DACH1: variants seen among roughly 807,000 people sequenced by gnomAD.
DACH1 encodes dachshund homolog 1.
In DACH1, 12 loss-of-function variants were observed where a neutral mutation model predicts 54.2. The observed-to-expected ratio is 0.22, with a 90% CI of 0.14 to 0.36. DACH1 has a LOEUF of 0.36. Ranked by LOEUF, DACH1 falls within the 10% of genes least tolerant of loss-of-function variation. The probability of loss-of-function intolerance (pLI) is 1.00; values close to 1 mark genes in which losing one functional copy is unlikely to be tolerated. For synonymous variants in DACH1, 386 were observed against 366.2 expected (o/e 1.05, Z -0.62); for missense variants, 805 against 929.8 (o/e 0.87, Z 1.75).
chr13:71,577,260 C>T (rs190688637), intron 3 of DACH1, among the ~76,000 whole-genome samples: 13 of 152,236 alleles, frequency 8.5e-5, no homozygotes, highest in Admixed American at 2.0e-4. Context: ...GCAGTTCACA[C>T]TTAAGCAGAA....
In DACH1 at chr13:71,866,807, G is replaced by C; in HGVS notation, c.-38C>G. 3 of 1,281,484 alleles carry C rather than the reference G, an allele frequency of 2.3e-6. No individual in the cohort carries two copies. The highest frequency in any genetic ancestry group is 2.0e-6 in the Non-Finnish European group (2 of 1,005,164). The allele number at this position is 1,281,484 out of a possible 1,614,324, so 79.4% of individuals were successfully genotyped here. The stretch of plus-strand genomic sequence containing the variant: ...GGGGAAACAGACGGAGGAGAAGCGA[G>C]AGGAAAAGTTGCCACACACCCCCGG... On this transcript the variant is annotated 5_prime_UTR_variant, in exon 1 of 11. Transcript: ENST00000613252.
intron 2 of DACH1, among the ~76,000 whole-genome samples, chr13:71,676,040 A>G (rs1880545881): frequency 6.6e-6 from 1 of 152,246 alleles, no homozygotes; most frequent in Non-Finnish European, 1.5e-5. Flanking sequence ...TAAATAGTAA[A>G]TATGAGATTT....
In DACH1 at chr13:71,650,404, C is replaced by T. The variant is rs181441897; in HGVS notation, c.965-19687G>A. ...GAAAAATATAATTTGTTTTCCATTT[C>T]CTTACACTGTTTACTCTCAATGTCA... On this transcript the variant is annotated intron_variant, in intron 2 of 10. Transcript: ENST00000613252. 4.6e-3 allele frequency among the ~76,000 whole-genome samples: 701 copies of T among 152,212 alleles called. 1 individual carries two copies. Among genetic ancestry groups the T allele is most frequent in the Non-Finnish European group, 7.1e-3 (480 of 68,008 alleles).
intron 1 of DACH1, among the ~76,000 whole-genome samples, chr13:71,758,793 A>G (rs1420277525): frequency 6.6e-6 from 1 of 152,244 alleles, no homozygotes; most frequent in Non-Finnish European, 1.5e-5. Context: ...TATAATTTCT[A>G]CGGGTAATTC....
Position 71,866,476 on chromosome 13 carries a change from G to T in DACH1, c.294C>A (p.Gly98=). The change falls in exon 1 of 11, where the codon GGC becomes GGA. Residue 98 remains glycine, a synonymous_variant. Coordinates refer to ENST00000613252, the MANE Select transcript of DACH1 (RefSeq NM_080759.6). ...TGGGGTTGCAGTTGCTGCCACCGCC[G>T]CCGCCGCCACCGCCGCCTCCGTTGC... ...SSGNGGGGGG[G]GGGSNCNPNL... 7.9e-7 allele frequency: 1 copy of T among 1,268,758 alleles called. No homozygotes were observed. The highest frequency in any genetic ancestry group is 2.9e-5 in the South Asian group (1 of 34,618). The allele number at this position is 1,268,758 out of a possible 1,614,324, so 78.6% of individuals were successfully genotyped here. A position where few individuals can be genotyped will look rare whatever the true frequency, so the allele number is the denominator to read the frequency against.
chr13:71,672,090 A>G (rs1397250907), intron 2 of DACH1, among the ~76,000 whole-genome samples: 1 of 152,144 alleles, frequency 6.6e-6, no homozygotes, highest in African/African-American at 2.4e-5. Flanking sequence ...GACTGAACAT[A>G]ATATTCCAGA....
intron 1 of DACH1, among the ~76,000 whole-genome samples, chr13:71,685,515 T>C (rs1009397327): frequency 1.3e-5 from 2 of 152,172 alleles, no homozygotes; most frequent in Non-Finnish European, 2.9e-5. Context: ...GTTGGAGTTA[T>C]TCCCAACTTC....
At position 71,820,105 on chromosome 13, in the gene DACH1, G is replaced by GAAAAA. The variant is rs59126150; in HGVS notation, c.848+45812_848+45816dup. 2.1e-3 allele frequency among the ~76,000 whole-genome samples: 115 copies of GAAAAA among 53,854 alleles called. 2 individuals are homozygous for GAAAAA. The highest frequency in any genetic ancestry group is 2.4e-3 in the Non-Finnish European group (71 of 29,662). 35.3% of individuals were successfully genotyped at this position (53,854 alleles called of 152,430 possible). A position where few individuals can be genotyped will look rare whatever the true frequency, so the allele number is the denominator to read the frequency against. ...AACATAGGGAGATCCTGCCTCTACC[G>GAAAAA]AAAAAAAAAAAAAAAAAAAAAAAGA... On this transcript the variant is annotated intron_variant, in intron 1 of 10. Coordinates refer to ENST00000613252, the MANE Select transcript of DACH1 (RefSeq NM_080759.6).
chr13:71,722,285 A>G (rs138162709), intron 1 of DACH1, among the ~76,000 whole-genome samples: 104 of 152,266 alleles, frequency 6.8e-4, no homozygotes, highest in Middle Eastern at 3.4e-3. Context: ...GAGATTTTCT[A>G]CCTTTTGAGA....
At chr13:71,627,209 G>C (rs866168156) in intron 3 of DACH1, among the ~76,000 whole-genome samples, 26 of 151,746 alleles carry the variant, frequency 1.7e-4, no homozygotes, top group African/African-American at 6.3e-4. Flanking sequence ...AACCGGGAAG[G>C]GTTGTGTGAT....
chr13:71,602,877 G>A (rs1279781262), intron 3 of DACH1, among the ~76,000 whole-genome samples: 1 of 151,940 alleles, frequency 6.6e-6, no homozygotes. Flanking sequence ...GGCAGAAATG[G>A]AGATCATATG....
chr13:71,626,248 A>C (rs537851679), intron 3 of DACH1, among the ~76,000 whole-genome samples: 2 of 152,108 alleles, frequency 1.3e-5, no homozygotes, highest in Non-Finnish European at 2.9e-5. Flanking sequence ...AACGATTAAG[A>C]GATGCTCACT....
At chr13:71,745,990 C>T (rs538603210) in intron 1 of DACH1, among the ~76,000 whole-genome samples, 18 of 152,204 alleles carry the variant, frequency 1.2e-4, no homozygotes, top group Admixed American at 2.6e-4. Flanking sequence ...GAGGCCAACG[C>T]GGGTGGATCA....
chr13:71,755,267 A>C (rs8002121), intron 1 of DACH1, among the ~76,000 whole-genome samples: 2,284 of 152,310 alleles, frequency 0.015, 36 homozygotes, highest in African/African-American at 0.039. Context: ...GAGGAAAAAA[A>C]GATATTTTGG....
intron 3 of DACH1, among the ~76,000 whole-genome samples, chr13:71,613,808 G>C (rs1875528558): frequency 6.6e-6 from 1 of 152,020 alleles, no homozygotes; most frequent in African/African-American, 2.4e-5. Flanking sequence ...TGGACCTCCT[G>C]GGCTCACACA....
chr13:71,480,166 T>G (rs1175236158), intron 7 of DACH1, among the ~76,000 whole-genome samples: 1 of 152,180 alleles, frequency 6.6e-6, no homozygotes, highest in Non-Finnish European at 1.5e-5. Context: ...ATTTTAAAAT[T>G]TCACAAATAG....
chr13:71,693,568 T>C (rs1881648535), intron 1 of DACH1, among the ~76,000 whole-genome samples: 2 of 149,168 alleles, frequency 1.3e-5, no homozygotes, highest in South Asian at 4.3e-4. Flanking sequence ...TCCGCCCGCC[T>C]CGGCCTCCCA....
At chr13:71,652,783 T>C (rs748534589) in intron 2 of DACH1, among the ~76,000 whole-genome samples, 5 of 152,188 alleles carry the variant, frequency 3.3e-5, no homozygotes, top group East Asian at 1.9e-4. Context: ...TCCTTGAAGG[T>C]AGAGGCCATA....
chr13:71,694,573 T>C (rs1881721412), intron 1 of DACH1, among the ~76,000 whole-genome samples: 1 of 152,230 alleles, frequency 6.6e-6, no homozygotes, highest in African/African-American at 2.4e-5. Flanking sequence ...TAATGTTCAA[T>C]GTTATAAGAA....
Sources: gnomAD v4.1 joint callset for allele counts (sites outside exome capture counted in the v4.1 genomes callset) on GRCh38, gnomAD v4.1.1 for gene constraint, MANE v1.5 for transcripts, NCBI Gene and HGNC (gene_info 2026-07-23, HGNC 2026-07-21) for gene names.